Variants in CHCHD3 observed in about 807,000 individuals in gnomAD.
CHCHD3 encodes MICOS complex subunit MIC19.
CHCHD3 carries 20 observed loss-of-function variants against 38.2 expected under a neutral mutation model. The ratio of observed to expected loss-of-function variants is 0.52; its 90% CI spans 0.37 to 0.76. The LOEUF is 0.76. Ranked by LOEUF, CHCHD3 falls within the 30% of genes least tolerant of loss-of-function variation. The probability of loss-of-function intolerance (pLI) is 0.00; values close to 1 mark genes in which losing one functional copy is unlikely to be tolerated. For synonymous variants in CHCHD3, 82 were observed against 100.0 expected (o/e 0.82, Z 1.07); for missense variants, 245 against 279.2 (o/e 0.88, Z 0.87).
intron 5 of CHCHD3, among the ~76,000 whole-genome samples, chr7:132,865,857 G>A (rs1172629229): frequency 1.4e-4 from 22 of 152,022 alleles, no homozygotes; most frequent in Admixed American, 1.4e-3. Context: ...CTTCAGATGT[G>A]CCTAATCACA....
intron 6 of CHCHD3, among the ~76,000 whole-genome samples, chr7:132,817,843 G>A (rs1807239236): frequency 6.6e-6 from 1 of 151,250 alleles, no homozygotes; most frequent in Non-Finnish European, 1.5e-5. Flanking sequence ...AGTGAGCTAT[G>A]ATCATGCCAC....
intron 2 of CHCHD3, among the ~76,000 whole-genome samples, chr7:133,038,853 T>C (rs1428627972): frequency 2.0e-5 from 3 of 152,380 alleles, no homozygotes; most frequent in Middle Eastern, 3.4e-3. Flanking sequence ...ACTTTGGCTA[T>C]GAAATAGAGA....
intron 2 of CHCHD3, among the ~76,000 whole-genome samples, chr7:133,062,832 C>T: frequency 6.6e-6 from 1 of 152,102 alleles, no homozygotes; most frequent in Admixed American, 6.5e-5. Flanking sequence ...TTCATACCAC[C>T]TAGAAGCACC....
Position 132,805,955 on chromosome 7 carries a change from G to A in CHCHD3, c.525-9378C>T, listed in dbSNP as rs770406475. On this transcript the variant is annotated intron_variant, in intron 6 of 7. Transcript: ENST00000262570. ...ACACCTCCTCACCACGATCTAAAGC[G>A]TGGAGTTGGAGCTCAGCATGATGGC... 3.3e-5 allele frequency among the ~76,000 whole-genome samples: 5 copies of A among 152,196 alleles called. No individual in the cohort carries two copies. The South Asian group carries it at 6.2e-4, about 19-fold the overall frequency.
intron 5 of CHCHD3, among the ~76,000 whole-genome samples, chr7:132,861,201 A>G (rs1808480855): frequency 6.6e-6 from 1 of 152,212 alleles, no homozygotes; most frequent in Non-Finnish European, 1.5e-5. Flanking sequence ...AGCTTCAGCC[A>G]CTGAGTAGGT....
intron 4 of CHCHD3, among the ~76,000 whole-genome samples, chr7:132,915,445 T>C (rs1010121062): frequency 6.6e-6 from 1 of 152,218 alleles, no homozygotes; most frequent in African/African-American, 2.4e-5. Context: ...CCTTTTGAGC[T>C]GTTCCCCATA....
At chr7:132,951,192 A>G (rs1183346433) in intron 4 of CHCHD3, among the ~76,000 whole-genome samples, 2 of 152,222 alleles carry the variant, frequency 1.3e-5, no homozygotes, top group Non-Finnish European at 2.9e-5. Flanking sequence ...ACGTGATCAG[A>G]ATTAAACTGT....
Position 133,082,036 on chromosome 7 carries a change from C to A in CHCHD3, c.-99G>T. The A allele has an allele frequency of 1.7e-6, 2 of 1,150,768 alleles. No individual in the cohort carries two copies. The highest frequency in any genetic ancestry group is 1.6e-5 in the South Asian group (1 of 62,018). The allele number at this position is 1,150,768 out of a possible 1,614,324, so 71.3% of individuals were successfully genotyped here. On this transcript the variant is annotated 5_prime_UTR_variant, in exon 1 of 8. Transcript: ENST00000262570. ...CGTGGAAGGGCCTGGATTCTTTTCC[C>A]GCACAGCGGGAGCAAGGCCACGACC...
chr7:132,889,238 C>G (rs1417684275), intron 4 of CHCHD3, among the ~76,000 whole-genome samples: 5 of 151,976 alleles, frequency 3.3e-5, no homozygotes. Context: ...ACCTGGTTTT[C>G]TCCCCCATTC....
chr7:133,037,861 A>G (rs539104974), intron 2 of CHCHD3, among the ~76,000 whole-genome samples: 1 of 152,242 alleles, frequency 6.6e-6, no homozygotes, highest in South Asian at 2.1e-4. Context: ...AAATGATACT[A>G]ATGATTACCT....
intron 4 of CHCHD3, among the ~76,000 whole-genome samples, chr7:132,899,807 TAGGCTA>T (rs1022063930): frequency 1.3e-5 from 2 of 152,248 alleles, no homozygotes; most frequent in African/African-American, 4.8e-5. Flanking sequence ...ATTCAGAGGA[TAGGCTA>T]AATAATATCT....
At chr7:132,942,303 A>G (rs543355944) in intron 4 of CHCHD3, among the ~76,000 whole-genome samples, 1 of 152,298 alleles carries the variant, frequency 6.6e-6, no homozygotes, top group East Asian at 1.9e-4. Context: ...GGGTTGATGT[A>G]ATTATTGATG....
chr7:132,870,002 T>C (rs1470582687), intron 5 of CHCHD3, among the ~76,000 whole-genome samples: 2 of 152,140 alleles, frequency 1.3e-5, no homozygotes, highest in East Asian at 1.9e-4. Flanking sequence ...AACAGTTTTA[T>C]GGTTGAGCCA....
intron 2 of CHCHD3, among the ~76,000 whole-genome samples, chr7:133,058,646 C>T (rs181531014): frequency 1.3e-5 from 2 of 152,292 alleles, no homozygotes; most frequent in Admixed American, 6.5e-5. Context: ...ATTCTCAAAA[C>T]TGACACACAG....
At chr7:133,022,868 A>C (rs1223954287) in intron 3 of CHCHD3, among the ~76,000 whole-genome samples, 4 of 148,892 alleles carry the variant, frequency 2.7e-5, no homozygotes, top group South Asian at 4.3e-4. Flanking sequence ...AAAAAAAAAA[A>C]CCCACAGTGA....
At chr7:132,987,789 A>G (rs1213626015) in intron 3 of CHCHD3, among the ~76,000 whole-genome samples, 1 of 152,202 alleles carries the variant, frequency 6.6e-6, no homozygotes. Context: ...GACAGAAATT[A>G]TAAGGCATTT....
intron 6 of CHCHD3, among the ~76,000 whole-genome samples, chr7:132,817,041 TTC>T (rs1171788987): frequency 6.6e-6 from 1 of 152,198 alleles, no homozygotes; most frequent in Non-Finnish European, 1.5e-5. Flanking sequence ...CATCCCTGTC[TTC>T]TCTGTCTTTA....
intron 6 of CHCHD3, among the ~76,000 whole-genome samples, chr7:132,834,295 A>AACTCCT (rs1490189271): frequency 3.3e-5 from 5 of 152,212 alleles, no homozygotes; most frequent in Non-Finnish European, 1.5e-5. Flanking sequence ...CCTAGGTGTG[A>AACTCCT]AGCTAATGAA....
In CHCHD3 at chr7:133,018,945, G is replaced by A. The variant is rs185524115; in HGVS notation, c.251+5601C>T. On this transcript the variant is annotated intron_variant, in intron 3 of 7. Coordinates refer to ENST00000262570, the MANE Select transcript of CHCHD3 (RefSeq NM_017812.4). ...ATTGCCCAGGCTGGAGTGCAGTGGC[G>A]CGATCTTGGCTCACCACAACCTCCA... Among the ~76,000 whole-genome samples the A allele has an allele frequency of 2.3e-3, 335 of 144,332 alleles. 3 individuals carry two copies. Among genetic ancestry groups the A allele is most frequent in the African/African-American group, 8.2e-3 (320 of 38,938 alleles). The allele number at this position is 144,332 out of a possible 152,430, so 94.7% of individuals were successfully genotyped here.
Sources: allele counts gnomAD v4.1 joint callset (sites outside exome capture counted in the v4.1 genomes callset), GRCh38; gene constraint gnomAD v4.1.1; transcripts MANE v1.5; gene names NCBI Gene and HGNC (gene_info 2026-07-23, HGNC 2026-07-21).